DLG2: variants seen among roughly 807,000 people sequenced by gnomAD.
The protein encoded by DLG2 is discs large MAGUK scaffold protein 2, also known as disks large homolog 2.
A neutral mutation model predicts 132.5 loss-of-function variants in DLG2; 45 were observed. The observed-to-expected ratio is 0.34, with a 90% CI of 0.27 to 0.44. DLG2 has a LOEUF of 0.44. Ranked by LOEUF, DLG2 falls within the 20% of genes least tolerant of loss-of-function variation. The probability of loss-of-function intolerance (pLI) is 1.00; values close to 1 mark genes in which losing one functional copy is unlikely to be tolerated. For missense variants in DLG2, 1,045 were observed against 1,196.9 expected, an observed-to-expected ratio of 0.87 and a Z score of 1.87; for synonymous variants, 424 against 419.6, an observed-to-expected ratio of 1.01 and a Z score of -0.13.
At chr11:84,012,493 T>C (rs896389883) in intron 11 of DLG2, among the ~76,000 whole-genome samples, 3 of 152,178 alleles carry the variant, frequency 2.0e-5, no homozygotes, top group African/African-American at 7.2e-5. Context: ...ATATATTGCA[T>C]GTAGGCATTA....
intron 23 of DLG2, 148 bp downstream of exon 23, chr11:83,472,579 A>G: frequency 3.1e-6 from 2 of 640,790 alleles, no homozygotes; most frequent in African/African-American, 1.9e-5. Context: ...AGAGAAAGTG[A>G]GAGACAGCGT....
At chr11:84,464,825 T>C (rs1442810219) in intron 7 of DLG2, among the ~76,000 whole-genome samples, 1 of 151,084 alleles carries the variant, frequency 6.6e-6, no homozygotes, top group Non-Finnish European at 1.5e-5. Context: ...TACATACAAA[T>C]ATGTAGTAAT....
At chr11:85,123,421 G>A (rs1277356655) in intron 5 of DLG2, among the ~76,000 whole-genome samples, 1 of 152,088 alleles carries the variant, frequency 6.6e-6, no homozygotes, top group African/African-American at 2.4e-5. Context: ...AAAGACCACT[G>A]GTAGTAGAAA....
intron 6 of DLG2, among the ~76,000 whole-genome samples, chr11:84,896,653 G>C (rs949898605): frequency 6.6e-6 from 1 of 151,956 alleles, no homozygotes; most frequent in Non-Finnish European, 1.5e-5. Context: ...CTTATCCACA[G>C]TTTTGTATTC....
chr11:85,601,928 T>A (rs1300828469), intron 2 of DLG2, among the ~76,000 whole-genome samples: 1 of 152,174 alleles, frequency 6.6e-6, no homozygotes, highest in Non-Finnish European at 1.5e-5. Flanking sequence ...CTTATCTAAT[T>A]CCGTAGTTTT....
At chr11:83,561,052 C>T (rs2096601442) in intron 19 of DLG2, among the ~76,000 whole-genome samples, 1 of 152,192 alleles carries the variant, frequency 6.6e-6, no homozygotes, top group Non-Finnish European at 1.5e-5. Flanking sequence ...TCTTACAAGG[C>T]CAGAGCAGGA....
intron 18 of DLG2, among the ~76,000 whole-genome samples, chr11:83,761,611 C>G (rs539343543): frequency 1.3e-5 from 2 of 152,212 alleles, no homozygotes; most frequent in South Asian, 4.2e-4. Flanking sequence ...CCCATTACCC[C>G]CAACATCATA....
chr11:83,472,602 C>T (rs1379942621), intron 23 of DLG2, 125 bp downstream of exon 23: 14 of 753,868 alleles, frequency 1.9e-5, no homozygotes, highest in Non-Finnish European at 2.9e-5. Context: ...GAGTAAGGTA[C>T]GGTCTCAAGA....
intron 3 of DLG2, among the ~76,000 whole-genome samples, chr11:85,424,644 A>G (rs1451297256): frequency 1.3e-5 from 2 of 152,334 alleles, no homozygotes; most frequent in East Asian, 3.9e-4. Flanking sequence ...CTTATATATT[A>G]CAGATAGTGA....
In DLG2 at chr11:83,871,330, CAATT is replaced by C. The variant is rs554442150; in HGVS notation, c.1565+3086_1565+3089del. Among the ~76,000 whole-genome samples, 23 of 152,256 alleles carry C rather than the reference CAATT, an allele frequency of 1.5e-4. No homozygotes were observed. In the South Asian group the frequency reaches 3.7e-3, roughly 25 times the overall value. Reference sequence around the variant, plus strand: ...AGCAGTGACTCTATGGTAGAGGACTCAATTAGATAGTTTTGTTGTCTCAATGGAT... The same window carrying C: ...AGCAGTGACTCTATGGTAGAGGACTCAGATAGTTTTGTTGTCTCAATGGAT... On this transcript the variant is annotated intron_variant, in intron 16 of 27. Coordinates refer to ENST00000376104, the MANE Select transcript of DLG2 (RefSeq NM_001142699.3).
chr11:85,340,134 AC>A (rs1283161663), intron 3 of DLG2, among the ~76,000 whole-genome samples: 1 of 152,228 alleles, frequency 6.6e-6, no homozygotes, highest in Non-Finnish European at 1.5e-5. Context: ...CAATCCCATT[AC>A]TTGGTATATA....
chr11:83,744,018 C>A (rs1273570372), intron 18 of DLG2, among the ~76,000 whole-genome samples: 1 of 152,140 alleles, frequency 6.6e-6, no homozygotes, highest in Non-Finnish European at 1.5e-5. Flanking sequence ...GTTCACAATG[C>A]AAATTGGGTT....
chr11:84,544,500 A>G (rs1045309940), intron 6 of DLG2, among the ~76,000 whole-genome samples: 18 of 152,216 alleles, frequency 1.2e-4, no homozygotes, highest in African/African-American at 4.1e-4. Context: ...GTGCTAAATA[A>G]ATAGTAAAGC....
chr11:85,034,831 C>T (rs1207406477), intron 6 of DLG2, among the ~76,000 whole-genome samples: 1 of 151,964 alleles, frequency 6.6e-6, no homozygotes, highest in Non-Finnish European at 1.5e-5. Context: ...ATTTTGGTAT[C>T]CTTGATGATT....
chr11:83,510,449 T>C (rs34251297), intron 21 of DLG2, among the ~76,000 whole-genome samples: 7,354 of 152,200 alleles, frequency 0.048, 188 homozygotes, highest in Middle Eastern at 0.11. Flanking sequence ...TTGTGACTGA[T>C]TGAATAATTC....
chr11:85,043,490 C>T (rs2062045640), intron 6 of DLG2, among the ~76,000 whole-genome samples: 1 of 151,652 alleles, frequency 6.6e-6, no homozygotes, highest in Non-Finnish European at 1.5e-5. Flanking sequence ...ACAAGGAAGC[C>T]AGCATCATTA....
At chr11:85,212,335 T>C (rs1565165836) in intron 4 of DLG2, among the ~76,000 whole-genome samples, 1 of 151,624 alleles carries the variant, frequency 6.6e-6, no homozygotes, top group African/African-American at 2.4e-5. Flanking sequence ...TTCTCCGTCT[T>C]TCTCTCTCTC....
At chr11:84,664,459 C>T (rs1314313383) in intron 6 of DLG2, among the ~76,000 whole-genome samples, 1 of 152,112 alleles carries the variant, frequency 6.6e-6, no homozygotes. Flanking sequence ...GTTTATAGTG[C>T]TTTGAAACAG....
intron 10 of DLG2, among the ~76,000 whole-genome samples, chr11:84,085,419 G>C (rs1321088643): frequency 6.6e-6 from 1 of 152,142 alleles, no homozygotes; most frequent in Admixed American, 6.6e-5. Context: ...GCTGCAATCA[G>C]CTCTTTGGTA....
Sources: gnomAD v4.1 joint callset for allele counts (sites outside exome capture counted in the v4.1 genomes callset) on GRCh38, gnomAD v4.1.1 for gene constraint, MANE v1.5 for transcripts, NCBI Gene and HGNC (gene_info 2026-07-23, HGNC 2026-07-21) for gene names.